BRME1: variants seen among roughly 807,000 people sequenced by gnomAD.
BRME1 encodes BRCA2 and MEILB2-associating protein 1.
In BRME1, 31 loss-of-function variants were observed where a neutral mutation model predicts 52.6. The observed-to-expected ratio is 0.59, with a 90% confidence interval of 0.44 to 0.80. The LOEUF is 0.80. Ranked by LOEUF, BRME1 falls within the 30% of genes least tolerant of loss-of-function variation. BRME1 has a pLI of 0.00. For missense variants in BRME1, 804 were observed against 860.3 expected, an observed-to-expected ratio of 0.93 and a Z score of 0.82; for synonymous variants, 359 against 353.6, an observed-to-expected ratio of 1.02 and a Z score of -0.17.
chr19:13,882,765 G>A lies in BRME1; in HGVS notation c.*37C>T, dbSNP rs1432841547. On this transcript the variant is annotated 3_prime_UTR_variant, in exon 9 of 9. Coordinates refer to ENST00000586783, the MANE Select transcript of BRME1 (RefSeq NM_001345843.2). Reference sequence around the variant, plus strand: ...CTTGGAGGAGGTCTGCGGACATGGGGGCTGGGTGGCAAAGGAAACACAGAC... The same window carrying A: ...CTTGGAGGAGGTCTGCGGACATGGGAGCTGGGTGGCAAAGGAAACACAGAC... 6.2e-7 allele frequency: 1 copy of A among 1,612,134 alleles called. No homozygotes were observed. Among genetic ancestry groups the A allele is most frequent in the Non-Finnish European group, 8.5e-7 (1 of 1,179,486 alleles).
chr19:13,889,225 G>C lies in BRME1; in HGVS notation c.1631C>G (p.Ala544Gly). The stretch of plus-strand genomic sequence containing the variant: ...GGCTTCGAAGTCAGAGGCGTCCAGG[G>C]CATCCTGTATCTGGCTGTCCAGCAG... ...DFLLDSQIQD[A>G]LDASDFEAPP... The change falls in exon 6 of 9, where the codon GCC becomes GGC. Residue 544 changes from alanine to glycine, a missense_variant. Coordinates refer to ENST00000586783, the MANE Select transcript of BRME1 (RefSeq NM_001345843.2). The C allele has an allele frequency of 6.2e-7, 1 of 1,609,600 alleles. No individual in the cohort carries two copies. The highest frequency in any genetic ancestry group is 1.1e-5 in the South Asian group (1 of 90,622).
At chr19:13,893,771 G>A (rs1006453813) in intron 3 of BRME1, among the ~76,000 whole-genome samples, 2 of 152,010 alleles carry the variant, frequency 1.3e-5, no homozygotes, top group African/African-American at 4.8e-5. Context: ...TTAAAAATTA[G>A]CTGGACGTGG....
At chr19:13,903,796 A>G (rs897629380) in intron 2 of BRME1, among the ~76,000 whole-genome samples, 20 of 152,142 alleles carry the variant, frequency 1.3e-4, no homozygotes, top group East Asian at 1.9e-4. Flanking sequence ...ATTATCCCCA[A>G]TTTACAAAAG....
Position 13,895,405 on chromosome 19 carries a change from T to C in BRME1, c.173A>G (p.Gln58Arg). 1.2e-6 allele frequency: 2 copies of C among 1,613,992 alleles called. No individual in the cohort carries two copies. Among genetic ancestry groups the C allele is most frequent in the Non-Finnish European group, 1.7e-6 (2 of 1,180,010 alleles). Residue 58 changes from glutamine to arginine, a missense_variant, in exon 3 of 9, where the codon CAG becomes CGG. Around this residue, in one of 3 missense-constraint regions of BRME1, gnomAD observed 234 missense variants for 258.1 expected, o/e 0.91. Transcript: ENST00000586783. Reference sequence around the variant, plus strand: ...GGCCTTTCCTGGTTCCTCCCCGTGCTGCTGTGTAGAGGGAACAGGTCCCAA... The same window carrying C: ...GGCCTTTCCTGGTTCCTCCCCGTGCCGCTGTGTAGAGGGAACAGGTCCCAA... ...GKLGPVPSTQ[Q>R]HGEEPGKAVS... is the part of the protein sequence containing the mutation.
rs528016862 is a variant in BRME1, at chr19:13,890,912, A to G, written c.394-450T>C. ...AAAAACTGCACTTACTTTTGCACCA[A>G]TCTAATAGTTGTCACCACCCTGTTC... On this transcript the variant is annotated intron_variant, in intron 5 of 8. Transcript: ENST00000586783. Among the ~76,000 whole-genome samples the G allele has an allele frequency of 1.1e-4, 17 of 152,122 alleles. No homozygotes were observed. The East Asian group carries it at 3.3e-3, about 29-fold the overall frequency.
chr19:13,903,685 AAAT>A (rs1372281529), intron 2 of BRME1, among the ~76,000 whole-genome samples: 1 of 151,818 alleles, frequency 6.6e-6, no homozygotes, highest in Non-Finnish European at 1.5e-5. Context: ...AAAAAAAAAA[AAAT>A]AAAGTCTCCA....
chr19:13,884,213 G>A (rs1258616457), intron 7 of BRME1, among the ~76,000 whole-genome samples: 1 of 152,120 alleles, frequency 6.6e-6, no homozygotes, highest in South Asian at 2.1e-4. Flanking sequence ...AGTGGTGCGC[G>A]CCTGTAGTCC....
intron 5 of BRME1, among the ~76,000 whole-genome samples, chr19:13,891,275 G>A (rs931496695): frequency 2.7e-5 from 4 of 150,518 alleles, no homozygotes; most frequent in African/African-American, 7.3e-5. Flanking sequence ...TCAGCCTCCC[G>A]AGTAGCTGGG....
In BRME1 at chr19:13,904,545, G is replaced by A. The variant is rs547725740; in HGVS notation, c.31+317C>T. On this transcript the variant is annotated intron_variant, in intron 2 of 8. Coordinates refer to ENST00000586783, the MANE Select transcript of BRME1 (RefSeq NM_001345843.2). ...CAACATCGGACTCCCAGGTTCAAAC[G>A]ATTCTCCTGCCTCAGTCTCCCGAGT... Among the ~76,000 whole-genome samples, 15 of 152,086 alleles carry A rather than the reference G, an allele frequency of 9.9e-5. No homozygotes were observed. The East Asian group carries it at 2.1e-3, about 22-fold the overall frequency.
intron 1 of BRME1, 31 bp downstream of exon 1, chr19:13,905,684 A>G (rs1970663194): frequency 6.6e-6 from 1 of 152,274 alleles, no homozygotes; most frequent in African/African-American, 2.4e-5. Flanking sequence ...GGTTTCTCCC[A>G]GCCTTGGGGG....
At chr19:13,886,170 A>G in intron 6 of BRME1, 115 bp from the exon 7 acceptor site, 2 of 798,212 alleles carry the variant, frequency 2.5e-6, no homozygotes, top group Non-Finnish European at 2.0e-6. Context: ...AGCAGGTCAC[A>G]TCGGGGCTGG....
At chr19:13,896,359 A>G (rs1969895832) in intron 2 of BRME1, among the ~76,000 whole-genome samples, 1 of 147,770 alleles carries the variant, frequency 6.8e-6, no homozygotes, top group South Asian at 2.1e-4. Context: ...ATATAATTAT[A>G]ATGTATTTAC....
intron 3 of BRME1, among the ~76,000 whole-genome samples, chr19:13,895,121 T>G (rs1268794979): frequency 6.6e-6 from 1 of 152,062 alleles, no homozygotes; most frequent in African/African-American, 2.4e-5. Flanking sequence ...TCAAGTGATC[T>G]TCCCCCCTCG....
chr19:13,892,919 C>A (rs1487499720), intron 4 of BRME1, 29 bp from the exon 5 acceptor site: 1 of 1,592,320 alleles, frequency 6.3e-7, no homozygotes, highest in African/African-American at 1.3e-5. Flanking sequence ...AACAAAGCAG[C>A]AATAAAGATA....
intron 6 of BRME1, 46 bp from the exon 7 acceptor site, chr19:13,886,101 C>G: frequency 6.5e-7 from 1 of 1,541,956 alleles, no homozygotes; most frequent in Non-Finnish European, 8.9e-7. Context: ...CTGGGTCGGG[C>G]AAGCTCTGCA....
chr19:13,893,483 C>G (rs1969662236), intron 3 of BRME1, among the ~76,000 whole-genome samples: 1 of 151,960 alleles, frequency 6.6e-6, no homozygotes, highest in Non-Finnish European at 1.5e-5. Flanking sequence ...TGCAGTGAGC[C>G]AAGATTGTGC....
At chr19:13,893,317 T>C (rs1969650886) in intron 3 of BRME1, 94 bp from the exon 4 acceptor site, 2 of 1,072,374 alleles carry the variant, frequency 1.9e-6, no homozygotes, top group African/African-American at 1.6e-5. Context: ...GGCGGGCAGA[T>C]CACCGAGGCC....
rs768989799 is a variant in BRME1 at position 13,890,432 on chromosome 19, G to T, written c.424C>A (p.Pro142Thr). The T allele has an allele frequency of 6.6e-7, 1 of 1,513,276 alleles. No individual in the cohort carries two copies. Among genetic ancestry groups the T allele is most frequent in the South Asian group, 1.3e-5 (1 of 75,228 alleles). The allele number at this position is 1,513,276 out of a possible 1,614,324, so 93.7% of individuals were successfully genotyped here. The change falls in exon 6 of 9, where the codon CCA becomes ACA. Residue 142 changes from proline to threonine, a missense_variant. Physicochemically the swap from Pro to Thr is conservative, Grantham distance 38. This residue lies in a region of BRME1 where 234 missense variants were observed against 258.1 expected (regional missense o/e 0.91). Transcript: ENST00000586783. ...GTCTCCACTAGCAGCTGGCATCCTG[G>T]ACTCTGGGCGCTGGACTCTGCGATT... The part of the protein sequence containing the change: ...ETIAESSAQS[P>T]GCQLLVETLG...
chr19:13,900,012 C>T (rs941249564), intron 2 of BRME1, among the ~76,000 whole-genome samples: 9 of 152,106 alleles, frequency 5.9e-5, no homozygotes, highest in African/African-American at 1.9e-4. Context: ...AAAAGAAACA[C>T]GACCTTGTGG....
Sources: gnomAD v4.1 joint callset for allele counts (sites outside exome capture counted in the v4.1 genomes callset) on GRCh38, gnomAD v4.1.1 for gene constraint, gnomAD v4.1.1 regional missense constraint, MANE v1.5 for transcripts, NCBI Gene and HGNC (gene_info 2026-07-23, HGNC 2026-07-21) for gene names.